Variants in DTWD2 observed in about 807,000 individuals in gnomAD.
DTWD2 encodes tRNA-uridine aminocarboxypropyltransferase 2.
A neutral mutation model predicts 31.8 loss-of-function variants in DTWD2; 39 were observed. The ratio of observed to expected loss-of-function variants is 1.22; its 90% CI spans 0.95 to 1.60. The LOEUF is 1.60. Ranked by LOEUF, DTWD2 falls within the 40% of genes most tolerant of loss-of-function variation. The probability of loss-of-function intolerance (pLI) is 0.00; values close to 1 mark genes in which losing one functional copy is unlikely to be tolerated. For missense variants in DTWD2, 515 were observed against 381.5 expected (o/e 1.35, Z -2.92); for synonymous variants, 180 against 142.8 (o/e 1.26, Z -1.86).
At chr5:118,941,191 T>C (rs878902608) in intron 2 of DTWD2, among the ~76,000 whole-genome samples, 1 of 152,068 alleles carries the variant, frequency 6.6e-6, no homozygotes, top group East Asian at 1.9e-4. Context: ...TATATTTTTA[T>C]TATACTGTAA....
chr5:118,970,552 T>G (rs1754961346), intron 1 of DTWD2, among the ~76,000 whole-genome samples: 1 of 152,106 alleles, frequency 6.6e-6, no homozygotes, highest in Non-Finnish European at 1.5e-5. Flanking sequence ...TGGAAACAAG[T>G]GGGAAAACAT....
intron 4 of DTWD2, among the ~76,000 whole-genome samples, chr5:118,906,538 C>T (rs1479612364): frequency 6.6e-6 from 1 of 152,068 alleles, no homozygotes; most frequent in South Asian, 2.1e-4. Context: ...ACTTCTGATA[C>T]ATACAACAAA....
In DTWD2 at chr5:118,901,284, A is replaced by G. The variant is rs555941360; in HGVS notation, c.597+27253T>C. On this transcript the variant is annotated intron_variant, in intron 4 of 5. Coordinates refer to ENST00000510708, the MANE Select transcript of DTWD2 (RefSeq NM_173666.4). Reference sequence around the variant, plus strand: ...GGGGAGGGGAGAATTCCAAACACACATAAGTGTTTACATTGCACAGTAAGT... The same window carrying G: ...GGGGAGGGGAGAATTCCAAACACACGTAAGTGTTTACATTGCACAGTAAGT... 2.1e-4 allele frequency among the ~76,000 whole-genome samples: 32 copies of G among 152,304 alleles called. No individual in the cohort carries two copies. The South Asian group carries it at 5.6e-3, about 27-fold the overall frequency.
Position 118,928,568 on chromosome 5 carries a change from T to C in DTWD2, c.566A>G (p.Tyr189Cys). The change falls in exon 4 of 6, where the codon TAT becomes TGT. Residue 189 changes from tyrosine (Y) to cysteine (C), a missense_variant. Transcript: ENST00000510708. ...GTWSQAKDIF[Y>C]KNSLFRHPKQ... is the part of the protein sequence containing the mutation. ...GGGATGTCGGAACAAGGAGTTCTTA[T>C]AGAAAATGTCCTTAGCCTGGCTCCA... 2.6e-6 allele frequency: 4 copies of C among 1,526,140 alleles called. No homozygotes were observed. The highest frequency in any genetic ancestry group is 2.9e-5 in the South Asian group (2 of 69,540). The allele number at this position is 1,526,140 out of a possible 1,614,324, so 94.5% of individuals were successfully genotyped here.
chr5:118,878,741 A>G (rs1752673722), intron 4 of DTWD2, among the ~76,000 whole-genome samples: 1 of 152,236 alleles, frequency 6.6e-6, no homozygotes, highest in Non-Finnish European at 1.5e-5. Flanking sequence ...ACAGAATGTG[A>G]GAAAATTTTT....
intron 4 of DTWD2, among the ~76,000 whole-genome samples, chr5:118,903,227 A>G (rs1347246005): frequency 3.3e-5 from 5 of 151,974 alleles, no homozygotes; most frequent in African/African-American, 1.2e-4. Context: ...GAAACAAGAT[A>G]AACATTGAAC....
intron 4 of DTWD2, among the ~76,000 whole-genome samples, chr5:118,891,956 G>A (rs1752985810): frequency 6.6e-6 from 1 of 152,036 alleles, no homozygotes; most frequent in Non-Finnish European, 1.5e-5. Context: ...TATCACGTAA[G>A]TTATATGTGT....
intron 4 of DTWD2, among the ~76,000 whole-genome samples, chr5:118,869,795 T>A (rs779140141): frequency 2.4e-4 from 36 of 152,340 alleles, no homozygotes; most frequent in Middle Eastern, 3.4e-3. Context: ...CTTCTAATTA[T>A]CTTATACGGC....
At chr5:118,936,747 A>G (rs1050339077) in intron 3 of DTWD2, among the ~76,000 whole-genome samples, 1 of 152,140 alleles carries the variant, frequency 6.6e-6, no homozygotes, top group Non-Finnish European at 1.5e-5. Flanking sequence ...AATCCAAAGC[A>G]AGAAAAAAAT....
At chr5:118,948,899 T>A (rs1440655710) in intron 1 of DTWD2, among the ~76,000 whole-genome samples, 1 of 152,126 alleles carries the variant, frequency 6.6e-6, no homozygotes, top group African/African-American at 2.4e-5. Flanking sequence ...AAACCAGGTA[T>A]CCAAAGGTGA....
chr5:118,954,723 G>A (rs1754547282), intron 1 of DTWD2, among the ~76,000 whole-genome samples: 1 of 151,418 alleles, frequency 6.6e-6, no homozygotes, highest in African/African-American at 2.4e-5. Context: ...ATTTTTTTTT[G>A]TAGAGGTGAA....
In DTWD2 at chr5:118,837,973, C is replaced by G. The variant is rs1328290075; in HGVS notation, c.*2944G>C. On this transcript the variant is annotated 3_prime_UTR_variant, in exon 6 of 6. Transcript: ENST00000510708. Reference sequence around the variant, plus strand: ...TGGTGGTATAGTGAGGAGCTTATTTCTTCCAAAATATATGAAAAATATTAC... The same window carrying G: ...TGGTGGTATAGTGAGGAGCTTATTTGTTCCAAAATATATGAAAAATATTAC... 1.3e-5 allele frequency: 2 copies of G among 152,100 alleles called. No individual in the cohort carries two copies. Among genetic ancestry groups the G allele is most frequent in the Non-Finnish European group, 2.9e-5 (2 of 68,010 alleles). 9.4% of individuals were successfully genotyped at this position (152,100 alleles called of 1,614,324 possible). A position where few individuals can be genotyped will look rare whatever the true frequency, so the allele number is the denominator to read the frequency against.
chr5:118,843,767 G>C (rs1376312751), intron 5 of DTWD2, among the ~76,000 whole-genome samples: 1 of 152,204 alleles, frequency 6.6e-6, no homozygotes. Flanking sequence ...TTTGGAAACA[G>C]GCAGATCTGG....
rs923597708 is a variant in DTWD2 at position 118,881,197 on chromosome 5, T to G, written c.598-32979A>C. On this transcript the variant is annotated intron_variant, in intron 4 of 5. Coordinates refer to ENST00000510708, the MANE Select transcript of DTWD2 (RefSeq NM_173666.4). ...AAAAGCAAATACAGTACTAAAGGTGTAGGTACCATTTTTAAAATATCTGTT... is the reference window on the plus strand; with the variant it reads ...AAAAGCAAATACAGTACTAAAGGTGGAGGTACCATTTTTAAAATATCTGTT... 8.5e-5 allele frequency among the ~76,000 whole-genome samples: 13 copies of G among 152,328 alleles called. 1 individual carries two copies. The highest frequency in any genetic ancestry group is 7.8e-4 in the Admixed American group (12 of 15,308).
At chr5:118,974,018 G>A (rs952188885) in intron 1 of DTWD2, 8 of 1,603,076 alleles carry the variant, frequency 5.0e-6, no homozygotes, top group Non-Finnish European at 6.8e-6. Flanking sequence ...GGAAGAGGAT[G>A]GAGATGAAGA....
intron 4 of DTWD2, among the ~76,000 whole-genome samples, chr5:118,884,142 C>A (rs1033082846): frequency 1.3e-5 from 2 of 152,156 alleles, no homozygotes; most frequent in Admixed American, 6.5e-5. Flanking sequence ...TAATAAAATT[C>A]TTCCAGAAGC....
chr5:118,919,907 C>T (rs931857969), intron 4 of DTWD2, among the ~76,000 whole-genome samples: 3 of 152,096 alleles, frequency 2.0e-5, no homozygotes, highest in Admixed American at 1.3e-4. Context: ...AAGATGTAGT[C>T]ACCTGAAGCT....
intron 4 of DTWD2, among the ~76,000 whole-genome samples, chr5:118,885,877 A>T (rs918543551): frequency 6.6e-6 from 1 of 152,314 alleles, no homozygotes; most frequent in Middle Eastern, 3.4e-3. Flanking sequence ...AGGTGTAAGG[A>T]TCCCTTTTAC....
intron 1 of DTWD2, among the ~76,000 whole-genome samples, chr5:118,971,588 A>G (rs1754989630): frequency 6.6e-6 from 1 of 152,208 alleles, no homozygotes; most frequent in South Asian, 2.1e-4. Flanking sequence ...CAGAAAATTA[A>G]CAAAGATATT....
Sources: gnomAD v4.1 joint callset for allele counts (sites outside exome capture counted in the v4.1 genomes callset) on GRCh38, gnomAD v4.1.1 for gene constraint, MANE v1.5 for transcripts, NCBI Gene and HGNC (gene_info 2026-07-23, HGNC 2026-07-21) for gene names.